MICU3: variants seen among roughly 807,000 people sequenced by gnomAD.
MICU3 encodes the protein calcium uptake protein 3, mitochondrial.
Under a neutral mutation model 66.5 loss-of-function variants are expected in MICU3, and 62 were observed. That is an observed-to-expected ratio of 0.93 (90% CI 0.76 to 1.15). The LOEUF is 1.15. Ranked by LOEUF, MICU3 falls within the 50% of genes most tolerant of loss-of-function variation. MICU3 has a pLI of 0.00. For missense variants in MICU3, 779 were observed against 664.4 expected, an observed-to-expected ratio of 1.17 and a Z score of -1.90; for synonymous variants, 308 against 240.7, an observed-to-expected ratio of 1.28 and a Z score of -2.59.
At chr8:17,062,699 T>C (rs947139971) in intron 1 of MICU3, among the ~76,000 whole-genome samples, 3 of 152,122 alleles carry the variant, frequency 2.0e-5, no homozygotes, top group African/African-American at 7.2e-5. Flanking sequence ...ATCATGTAAA[T>C]TGCTATAAAC....
At chr8:17,029,496 T>A (rs1487222709) in intron 1 of MICU3, among the ~76,000 whole-genome samples, 1 of 152,178 alleles carries the variant, frequency 6.6e-6, no homozygotes, top group Non-Finnish European at 1.5e-5. Flanking sequence ...AATTATTTTT[T>A]ATTCGTTTAT....
At chr8:17,069,089 T>C (rs997908187) in intron 2 of MICU3, among the ~76,000 whole-genome samples, 2 of 152,166 alleles carry the variant, frequency 1.3e-5, no homozygotes, top group Admixed American at 1.3e-4. Context: ...TGACATTTTA[T>C]TCAGCTGTAA....
intron 13 of MICU3, among the ~76,000 whole-genome samples, chr8:17,116,846 G>A (rs761160512): frequency 1.6e-4 from 24 of 152,110 alleles, no homozygotes; most frequent in Non-Finnish European, 3.1e-4. Context: ...TCAGTCTAAT[G>A]TCTTCATCCT....
intron 14 of MICU3, among the ~76,000 whole-genome samples, chr8:17,119,392 G>A (rs1238723967): frequency 1.3e-5 from 2 of 151,618 alleles, no homozygotes; most frequent in Admixed American, 6.6e-5. Context: ...TCTTTCAAAA[G>A]TCAACTGTAG....
intron 1 of MICU3, among the ~76,000 whole-genome samples, chr8:17,054,252 T>C (rs1816552064): frequency 6.6e-6 from 1 of 152,222 alleles, no homozygotes; most frequent in African/African-American, 2.4e-5. Context: ...TTACATTTAC[T>C]AGGTAATATT....
chr8:17,106,951 A>G (rs1420028063), intron 11 of MICU3, among the ~76,000 whole-genome samples: 1 of 151,950 alleles, frequency 6.6e-6, no homozygotes, highest in Admixed American at 6.6e-5. Context: ...CCTTCCTTCC[A>G]TCTCTCATCT....
chr8:17,054,745 T>C (rs1816644641), intron 1 of MICU3, among the ~76,000 whole-genome samples: 1 of 146,534 alleles, frequency 6.8e-6, no homozygotes, highest in African/African-American at 2.5e-5. Flanking sequence ...TTTCTTTTTT[T>C]TTTTTTTTTT....
chr8:17,125,022 T>C (rs1197533773), downstream of MICU3, among the ~76,000 whole-genome samples: 1 of 152,048 alleles, frequency 6.6e-6, no homozygotes, highest in Non-Finnish European at 1.5e-5. Flanking sequence ...ATGGCATTCA[T>C]TTCTGGAAAA....
intron 11 of MICU3, among the ~76,000 whole-genome samples, chr8:17,110,775 T>C (rs1802133809): frequency 6.6e-6 from 1 of 150,880 alleles, no homozygotes; most frequent in South Asian, 2.1e-4. Flanking sequence ...TTTTTGTTTG[T>C]TTTTTTGCCT....
chr8:17,066,610 A>G (rs1818758772), intron 2 of MICU3, among the ~76,000 whole-genome samples: 1 of 143,320 alleles, frequency 7.0e-6, no homozygotes, highest in South Asian at 2.2e-4. Context: ...TGACGTGATC[A>G]CTACTCACTA....
At chr8:17,047,821 C>G (rs1277207162) in intron 1 of MICU3, among the ~76,000 whole-genome samples, 1 of 152,052 alleles carries the variant, frequency 6.6e-6, no homozygotes, top group African/African-American at 2.4e-5. Flanking sequence ...GAGTGCATAT[C>G]AGGAAGAAAT....
chr8:17,031,230 A>G (rs1323816510), intron 1 of MICU3, among the ~76,000 whole-genome samples: 1 of 150,320 alleles, frequency 6.7e-6, no homozygotes, highest in Non-Finnish European at 1.5e-5. Context: ...AAAGAAAAAG[A>G]AATTTTATTT....
intron 3 of MICU3, among the ~76,000 whole-genome samples, chr8:17,074,454 A>G (rs1820074978): frequency 6.6e-6 from 1 of 152,168 alleles, no homozygotes; most frequent in African/African-American, 2.4e-5. Context: ...ACAGGAAAAT[A>G]TGCTCACTAT....
rs1182019509 is a variant in MICU3, at chr8:17,064,179, G to A, written c.477G>A (p.Gly159=). ...TATTTGCTTCTATAGAATGTGAAGG[G>A]CAGTTATTCATGACTCCGTATGATT... ...FRLFASIECE[G]QLFMTPYDFI... Residue 159 remains glycine, a synonymous_variant, in exon 2 of 15, where the codon GGG becomes GGA. Transcript: ENST00000318063. The A allele has an allele frequency of 1.9e-6, 3 of 1,612,884 alleles. No homozygotes were observed. The highest frequency in any genetic ancestry group is 1.7e-6 in the Non-Finnish European group (2 of 1,179,296).
intron 9 of MICU3, among the ~76,000 whole-genome samples, chr8:17,100,117 A>G (rs976869792): frequency 6.6e-6 from 1 of 151,566 alleles, no homozygotes; most frequent in Admixed American, 6.6e-5. Flanking sequence ...CCTCTTCCCA[A>G]CTCAACATTC....
intron 1 of MICU3, among the ~76,000 whole-genome samples, chr8:17,052,880 A>G (rs568815889): frequency 6.6e-5 from 10 of 152,326 alleles, no homozygotes; most frequent in African/African-American, 2.4e-4. Flanking sequence ...ATAGAATCCC[A>G]TGCAAGTCCA....
chr8:17,059,189 A>C (rs1458071911), intron 1 of MICU3, among the ~76,000 whole-genome samples: 1 of 152,154 alleles, frequency 6.6e-6, no homozygotes, highest in East Asian at 1.9e-4. Context: ...ATTCCTATTT[A>C]TGCTGCTACT....
rs76299583 is a variant in MICU3 at position 17,091,870 on chromosome 8, G to T, written c.888+1286G>T. The stretch of plus-strand genomic sequence containing the variant: ...ATATACTACTTAGGACTTTATGGGG[G>T]TTTTTTTTGTTTGTTTGGTGTTTTT... On this transcript the variant is annotated intron_variant, in intron 8 of 14. Coordinates refer to ENST00000318063, the MANE Select transcript of MICU3 (RefSeq NM_181723.3). Among the ~76,000 whole-genome samples the T allele has an allele frequency of 9.2e-3, 1,393 of 151,504 alleles. 14 individuals carry two copies. The highest frequency in any genetic ancestry group is 0.028 in the African/African-American group (1,143 of 41,354).
chr8:17,058,022 G>A (rs1483848090), intron 1 of MICU3, among the ~76,000 whole-genome samples: 1 of 151,996 alleles, frequency 6.6e-6, no homozygotes, highest in African/African-American at 2.4e-5. Context: ...TAATTTTTCT[G>A]TATTTTTAGC....
Sources: allele counts gnomAD v4.1 joint callset (sites outside exome capture counted in the v4.1 genomes callset), GRCh38; gene constraint gnomAD v4.1.1; transcripts MANE v1.5; gene names NCBI Gene and HGNC (gene_info 2026-07-23, HGNC 2026-07-21).